The following BRSK2 variants were observed in gnomAD, a reference collection of about 807,000 sequenced individuals.
BRSK2 encodes the protein BR serine/threonine kinase 2, also known as serine/threonine-protein kinase BRSK2.
In BRSK2, 19 loss-of-function variants were observed where a neutral mutation model predicts 83.3. That is an observed-to-expected ratio of 0.23 (90% confidence interval 0.16 to 0.33). The LOEUF (loss-of-function observed/expected upper bound fraction) is 0.33, where lower values mean the gene tolerates loss of function less well. Ranked by LOEUF, BRSK2 falls within the 10% of genes least tolerant of loss-of-function variation. The probability of loss-of-function intolerance (pLI) is 1.00; values close to 1 mark genes in which losing one functional copy is unlikely to be tolerated. For synonymous variants in BRSK2, 519 were observed against 435.4 expected (o/e 1.19, Z -2.39); for missense variants, 798 against 1,042.3 (o/e 0.77, Z 3.23).
intron 5 of BRSK2, 41 bp downstream of exon 5, chr11:1,442,647 C>T: frequency 2.0e-6 from 3 of 1,524,280 alleles, no homozygotes; most frequent in Non-Finnish European, 1.8e-6. Flanking sequence ...GGGGGACAGG[C>T]TGGGCTGGGG....
chr11:1,403,700 C>T (rs191717911), intron 1 of BRSK2, among the ~76,000 whole-genome samples: 32 of 152,316 alleles, frequency 2.1e-4, no homozygotes, highest in African/African-American at 7.2e-4. Context: ...GTTGTGGCAC[C>T]TGGTGCACTG....
chr11:1,456,030 C>T (rs1316337669), intron 16 of BRSK2, among the ~76,000 whole-genome samples: 2 of 152,180 alleles, frequency 1.3e-5, no homozygotes, highest in Non-Finnish European at 2.9e-5. Context: ...CTGCAGGGGT[C>T]ACCTTCCACC....
rs1554914766 is a variant in BRSK2 at position 1,454,191 on chromosome 11, A to ACCTGTGGAG, written c.1545-294_1545-293insCCTGTGGAG. 1.1e-5 allele frequency: 2 copies of ACCTGTGGAG among 178,918 alleles called. No homozygotes were observed. The highest frequency in any genetic ancestry group is 1.9e-5 in the Non-Finnish European group (2 of 102,678). The allele number at this position is 178,918 out of a possible 1,614,324, so 11.1% of individuals were successfully genotyped here. ...TCACCTGTGGGGGGCTCACCTGTGG[A>ACCTGTGGAG]GGGGCATCCCCAGACTTGGGAGTGG... On this transcript the variant is annotated intron_variant, in intron 15 of 19. Transcript: ENST00000528841. The surrounding 1 kb of genome is among the most constrained non-coding windows in gnomAD (Gnocchi z 5.2).
At chr11:1,457,161 G>A (rs2133272022) in intron 18 of BRSK2, 1 of 1,011,480 alleles carries the variant, frequency 9.9e-7, no homozygotes, top group Non-Finnish European at 1.4e-6. Flanking sequence ...CTCGGCCCTG[G>A]ACAGGCCAAG....
rs369030253 is a variant in BRSK2 at position 1,454,175 on chromosome 11, G to GAGGGCTCACCTGTGGA, written c.1545-310_1545-309insAGGGCTCACCTGTGGA. ...CTTGGTGAGGGGGGGCTCACCTGTG[G>GAGGGCTCACCTGTGGA]GGGGCTCACCTGTGGAGGGGCATCC... On this transcript the variant is annotated intron_variant, in intron 15 of 19. Coordinates refer to ENST00000528841, the MANE Select transcript of BRSK2 (RefSeq NM_001256627.2). The surrounding 1 kb of genome is among the most constrained non-coding windows in gnomAD (Gnocchi z 5.2). 13 of 256,412 alleles carry GAGGGCTCACCTGTGGA rather than the reference G, an allele frequency of 5.1e-5. No individual in the cohort carries two copies. Among genetic ancestry groups the GAGGGCTCACCTGTGGA allele is most frequent in the Non-Finnish European group, 8.4e-5 (11 of 131,106 alleles). The allele number at this position is 256,412 out of a possible 1,614,324, so 15.9% of individuals were successfully genotyped here. A position where few individuals can be genotyped will look rare whatever the true frequency, so the allele number is the denominator to read the frequency against.
chr11:1,410,590 G>A (rs1847369155), intron 1 of BRSK2: 8 of 985,448 alleles, frequency 8.1e-6, no homozygotes, highest in Non-Finnish European at 9.6e-6. Context: ...CCCGGGAGTG[G>A]ACTCGGGGGC....
chr11:1,428,836 GGT>G (rs888738875), intron 1 of BRSK2, among the ~76,000 whole-genome samples: 3 of 151,934 alleles, frequency 2.0e-5, no homozygotes, highest in African/African-American at 4.8e-5. Flanking sequence ...TACATGCATG[GGT>G]GTGTGTACAG....
At chr11:1,437,864 C>A (rs61869026) in intron 2 of BRSK2, among the ~76,000 whole-genome samples, 25,722 of 152,146 alleles carry the variant, frequency 0.17, 2,866 homozygotes, top group Non-Finnish European at 0.23. Context: ...AGGCTGCCTG[C>A]CTTCCTGGGC....
At position 1,451,565 on chromosome 11, in the gene BRSK2, G is replaced by A. The variant is rs1030825471; in HGVS notation, c.1544+146G>A. On this transcript the variant is annotated intron_variant, in intron 15 of 19. Transcript: ENST00000528841. Reference sequence around the variant, plus strand: ...TGCAGGCAGGCCCGTCTCGGCCACTGAGTCTCTGAAGTTCGAATTCCCGGC... The same window carrying A: ...TGCAGGCAGGCCCGTCTCGGCCACTAAGTCTCTGAAGTTCGAATTCCCGGC... The A allele has an allele frequency of 8.9e-5, 76 of 852,760 alleles. No individual in the cohort carries two copies. The Middle Eastern group carries it at 1.1e-3, about 13-fold the overall frequency. The allele number at this position is 852,760 out of a possible 1,614,324, so 52.8% of individuals were successfully genotyped here.
At chr11:1,425,092 C>T (rs1011326858) in intron 1 of BRSK2, among the ~76,000 whole-genome samples, 8 of 152,348 alleles carry the variant, frequency 5.3e-5, no homozygotes, top group African/African-American at 1.9e-4. Flanking sequence ...AGTGCTGCCC[C>T]GAGGCCCGTG....
In BRSK2 at chr11:1,390,845, C is replaced by T. The variant is rs558065866; in HGVS notation, c.91+470C>T. 5.9e-5 allele frequency among the ~76,000 whole-genome samples: 9 copies of T among 152,254 alleles called. No homozygotes were observed. The South Asian group carries it at 1.0e-3, about 18-fold the overall frequency. ...TCCGCGCGCCGGCCACCGGGGCCTC[C>T]GGGCAGGCCCGATCTCCCTCCGCGG... is the stretch of plus-strand genomic sequence containing the variant. On this transcript the variant is annotated intron_variant, in intron 1 of 19. Transcript: ENST00000528841. The surrounding 1 kb of genome is among the most constrained non-coding windows in gnomAD (Gnocchi z 6.8).
chr11:1,427,999 G>C (rs1849449527), intron 1 of BRSK2, among the ~76,000 whole-genome samples: 2 of 152,190 alleles, frequency 1.3e-5, no homozygotes, highest in African/African-American at 4.8e-5. Flanking sequence ...CTTTACCTAG[G>C]AGGGACGCCT....
intron 1 of BRSK2, among the ~76,000 whole-genome samples, chr11:1,396,436 C>T (rs1846124456): frequency 1.3e-5 from 2 of 152,316 alleles, no homozygotes; most frequent in Admixed American, 1.3e-4. Context: ...GGAGTGACCC[C>T]GGGCCCTCTC....
intron 2 of BRSK2, 116 bp downstream of exon 2, chr11:1,436,250 G>GGGGGGGGGGGGCCCCCCCCCC: frequency 1.2e-5 from 2 of 168,876 alleles, no homozygotes; most frequent in Admixed American, 1.1e-4. Flanking sequence ...GGGGGGGCGG[G>GGGGGGGGGGGGCCCCCCCCCC]CCCTGCAGGC....
intron 1 of BRSK2, among the ~76,000 whole-genome samples, chr11:1,398,085 C>T (rs1031627273): frequency 6.6e-6 from 1 of 152,144 alleles, no homozygotes; most frequent in African/African-American, 2.4e-5. Context: ...GGGTGGTTTG[C>T]GGGGGCACAG....
At chr11:1,450,816 C>T in intron 14 of BRSK2, 22 bp downstream of exon 14, 1 of 1,578,436 alleles carries the variant, frequency 6.3e-7, no homozygotes, top group Non-Finnish European at 8.6e-7. Context: ...CCCGGAGGCG[C>T]CAGAGTGGGG....
chr11:1,390,384 G>A lies in BRSK2; in HGVS notation c.91+9G>A, dbSNP rs1845645237. 3 of 1,018,992 alleles carry A rather than the reference G, an allele frequency of 2.9e-6. No individual in the cohort carries two copies. The highest frequency in any genetic ancestry group is 4.4e-4 in the Middle Eastern group (1 of 2,250). 63.1% of individuals were successfully genotyped at this position (1,018,992 alleles called of 1,614,324 possible). A position where few individuals can be genotyped will look rare whatever the true frequency, so the allele number is the denominator to read the frequency against. On this transcript the variant is annotated intron_variant, in intron 1 of 19. Transcript: ENST00000528841. This position sits in a 1 kb window ranked among gnomAD's most constrained non-coding sequence, Gnocchi z 6.8. ...GGGCAAGGGGCAGACAGGTGCGTGC[G>A]GCCGGGGCGGGGACCGGGGCCGGGG...
intron 1 of BRSK2, among the ~76,000 whole-genome samples, chr11:1,429,366 T>C (rs1849684633): frequency 6.6e-6 from 1 of 151,408 alleles, no homozygotes; most frequent in South Asian, 2.1e-4. Context: ...GGTGTGTGGG[T>C]GTGTGCACAT....
intron 1 of BRSK2, among the ~76,000 whole-genome samples, chr11:1,421,744 G>A (rs1377134339): frequency 6.6e-6 from 1 of 151,892 alleles, no homozygotes; most frequent in East Asian, 1.9e-4. Context: ...CATAGAGCCT[G>A]GGTGCCCCCA....
Sources: allele counts gnomAD v4.1 joint callset (sites outside exome capture counted in the v4.1 genomes callset), GRCh38; gene constraint gnomAD v4.1.1; non-coding constraint Gnocchi (gnomAD v3.1); transcripts MANE v1.5; gene names NCBI Gene and HGNC (gene_info 2026-07-23, HGNC 2026-07-21).